Variants in ZNF138 observed in about 807,000 individuals in gnomAD.
ZNF138 encodes the protein zinc finger protein 138 (clone pHZ-32).
A neutral mutation model predicts 33.0 loss-of-function variants in ZNF138; 33 were observed. That is an observed-to-expected ratio of 1.00 (90% CI 0.76 to 1.34). The LOEUF (loss-of-function observed/expected upper bound fraction) is 1.34, where lower values mean the gene tolerates loss of function less well. Ranked by LOEUF, ZNF138 falls within the 40% of genes most tolerant of loss-of-function variation. The probability of loss-of-function intolerance (pLI) is 0.00; values close to 1 mark genes in which losing one functional copy is unlikely to be tolerated. For synonymous variants in ZNF138, 139 were observed against 120.4 expected, an observed-to-expected ratio of 1.15 and a Z score of -1.01; for missense variants, 360 against 370.8, an observed-to-expected ratio of 0.97 and a Z score of 0.24.
At chr7:64,812,847 T>G (rs2418460) in intron 1 of ZNF138, among the ~76,000 whole-genome samples, 145,462 of 147,606 alleles carry the variant, frequency 0.99, 71,715 homozygotes, top group East Asian at 1. Context: ...GGAAAAAAAT[T>G]GCCTTTTTTT....
chr7:64,812,559 G>A (rs1167297298), intron 1 of ZNF138, among the ~76,000 whole-genome samples: 4 of 152,074 alleles, frequency 2.6e-5, no homozygotes, highest in African/African-American at 9.7e-5. Context: ...TTCCATTACT[G>A]TAGTAGAAAT....
At chr7:64,843,883 G>C in the ZNF138 span, among the ~76,000 whole-genome samples, 1 of 151,670 alleles carries the variant, frequency 6.6e-6, no homozygotes, top group Non-Finnish European at 1.5e-5. Context: ...GGAGTGCAGT[G>C]GTGTGACCTT....
chr7:64,799,157 A>G (rs943740945), intron 1 of ZNF138, among the ~76,000 whole-genome samples: 4 of 151,164 alleles, frequency 2.6e-5, no homozygotes, highest in African/African-American at 9.8e-5. Flanking sequence ...TTTTAATGAT[A>G]TTGATCTTTT....
chr7:64,839,857 C>A, the ZNF138 span, among the ~76,000 whole-genome samples: 1 of 151,970 alleles, frequency 6.6e-6, no homozygotes, highest in Non-Finnish European at 1.5e-5. Flanking sequence ...GGCGGAGAGG[C>A]GAGACAAAGA....
the ZNF138 span, among the ~76,000 whole-genome samples, chr7:64,847,332 A>ATATTTTTT: frequency 2.0e-4 from 26 of 128,126 alleles, no homozygotes; most frequent in Admixed American, 1.3e-3. Context: ...ATATATATAT[A>ATATTTTTT]TTTTTTTTTT....
the ZNF138 span, chr7:64,852,744 G>A: frequency 2.1e-6 from 2 of 952,844 alleles, no homozygotes; most frequent in Non-Finnish European, 3.5e-6. Context: ...ACTGCCCCCT[G>A]TGTCCCCAGG....
chr7:64,800,439 T>C (rs966942782), intron 1 of ZNF138, among the ~76,000 whole-genome samples: 3 of 152,234 alleles, frequency 2.0e-5, no homozygotes, highest in African/African-American at 2.4e-5. Context: ...TCTATTAAGA[T>C]AATCTTGCAG....
chr7:64,860,721 G>A, the ZNF138 span, among the ~76,000 whole-genome samples: 50 of 152,172 alleles, frequency 3.3e-4, no homozygotes, highest in Non-Finnish European at 5.6e-4. Context: ...ACCCAGGAGG[G>A]TAGTATTTTC....
chr7:64,803,318 G>C (rs1787311847), intron 1 of ZNF138, among the ~76,000 whole-genome samples: 1 of 138,652 alleles, frequency 7.2e-6, no homozygotes, highest in African/African-American at 2.7e-5. Context: ...GATTTGTTTA[G>C]ATTAAAGCTC....
At chr7:64,823,483 G>A (rs1486591227) in intron 3 of ZNF138, among the ~76,000 whole-genome samples, 1 of 152,050 alleles carries the variant, frequency 6.6e-6, no homozygotes, top group Non-Finnish European at 1.5e-5. Flanking sequence ...CTACAGACAT[G>A]CACTACCATG....
chr7:64,823,224 G>A (rs557638845), intron 3 of ZNF138, among the ~76,000 whole-genome samples: 1 of 152,224 alleles, frequency 6.6e-6, no homozygotes, highest in East Asian at 1.9e-4. Flanking sequence ...ATGTTGAAGA[G>A]TATGTTTTAT....
At position 64,820,458 on chromosome 7, in the gene ZNF138, C is replaced by T. The variant is rs74731852; in HGVS notation, c.208+4805C>T. 1.7e-3 allele frequency among the ~76,000 whole-genome samples: 253 copies of T among 151,790 alleles called. 8 individuals are homozygous for T. Among genetic ancestry groups the T allele is most frequent in the African/African-American group, 5.8e-3 (240 of 41,054 alleles). ...TCAAGGGACAGTTGCTTCAGCCTTC[C>T]AGCTTTTGTGAATACTGGTACAATA... On this transcript the variant is annotated intron_variant, in intron 3 of 3. Transcript: ENST00000307355.
chr7:64,817,203 G>T (rs10236712), intron 3 of ZNF138, among the ~76,000 whole-genome samples: 150,070 of 152,276 alleles, frequency 0.99, 73,986 homozygotes, highest in East Asian at 1. Flanking sequence ...AAATGCTTCA[G>T]GGACCACAGT....
At chr7:64,850,306 C>A in the ZNF138 span, among the ~76,000 whole-genome samples, 50 of 152,212 alleles carry the variant, frequency 3.3e-4, 1 homozygote, top group Non-Finnish European at 2.4e-4. Flanking sequence ...TGGCTGTCTG[C>A]CAGGTCCTGT....
chr7:64,836,716 C>T (rs1790376603), downstream of ZNF138: 1 of 152,166 alleles, frequency 6.6e-6, no homozygotes, highest in African/African-American at 2.4e-5. Context: ...TTCTTTGACC[C>T]AGCTGGTATT....
At chr7:64,808,493 C>T (rs1787796861) in intron 1 of ZNF138, among the ~76,000 whole-genome samples, 1 of 151,982 alleles carries the variant, frequency 6.6e-6, no homozygotes, top group Admixed American at 6.6e-5. Context: ...AAAAAGTGTA[C>T]TTTATTTGGG....
chr7:64,857,768 C>A, the ZNF138 span, among the ~76,000 whole-genome samples: 1 of 152,154 alleles, frequency 6.6e-6, no homozygotes, highest in Middle Eastern at 3.4e-3. Flanking sequence ...CAGTACCACC[C>A]AAACAAGTGC....
At chr7:64,827,961 C>T (rs915413079) in intron 3 of ZNF138, among the ~76,000 whole-genome samples, 27 of 151,990 alleles carry the variant, frequency 1.8e-4, no homozygotes, top group Middle Eastern at 3.4e-3. Context: ...TGTCTACTGC[C>T]GATATAATTC....
At chr7:64,810,634 G>A (rs1788097207) in intron 1 of ZNF138, among the ~76,000 whole-genome samples, 1 of 151,784 alleles carries the variant, frequency 6.6e-6, no homozygotes, top group Non-Finnish European at 1.5e-5. Flanking sequence ...CAAACTGTGG[G>A]ATTTAATTTT....
Sources: gnomAD v4.1 joint callset for allele counts (sites outside exome capture counted in the v4.1 genomes callset) on GRCh38, gnomAD v4.1.1 for gene constraint, MANE v1.5 for transcripts, NCBI Gene and HGNC (gene_info 2026-07-23, HGNC 2026-07-21) for gene names.